PEBP4: variants seen among roughly 807,000 people sequenced by gnomAD.
The protein encoded by PEBP4 is phosphatidylethanolamine-binding protein 4.
PEBP4 carries 22 observed loss-of-function variants against 23.9 expected under a neutral mutation model. That is an observed-to-expected ratio of 0.92 (90% CI 0.66 to 1.31). The LOEUF is 1.31. Ranked by LOEUF, PEBP4 falls within the 40% of genes most tolerant of loss-of-function variation. The pLI is 0.00. For missense variants in PEBP4, 324 were observed against 281.7 expected (o/e 1.15, Z -1.07); for synonymous variants, 112 against 99.3 (o/e 1.13, Z -0.76).
intron 3 of PEBP4, among the ~76,000 whole-genome samples, chr8:22,836,366 T>C (rs1296662752): frequency 6.6e-6 from 1 of 152,262 alleles, no homozygotes; most frequent in African/African-American, 2.4e-5. Flanking sequence ...GATTTGGAGC[T>C]GACTTTTACT....
upstream of PEBP4, among the ~76,000 whole-genome samples, chr8:22,929,363 C>T (rs1250999315): frequency 6.6e-6 from 1 of 152,240 alleles, no homozygotes; most frequent in Non-Finnish European, 1.5e-5. Context: ...GACCAAGAAA[C>T]TCATCTTCCA....
At chr8:22,764,257 T>C (rs576798410) in intron 4 of PEBP4, among the ~76,000 whole-genome samples, 1 of 152,028 alleles carries the variant, frequency 6.6e-6, no homozygotes, top group African/African-American at 2.4e-5. Flanking sequence ...TTGAATCTAA[T>C]ACACACACAC....
intron 3 of PEBP4, among the ~76,000 whole-genome samples, chr8:22,827,378 G>C (rs1806993071): frequency 6.6e-6 from 1 of 152,150 alleles, no homozygotes; most frequent in Non-Finnish European, 1.5e-5. Context: ...TTTGTACCAT[G>C]TATGCAGTCA....
intron 4 of PEBP4, among the ~76,000 whole-genome samples, chr8:22,770,653 C>T (rs1014906894): frequency 6.6e-6 from 1 of 152,224 alleles, no homozygotes; most frequent in African/African-American, 2.4e-5. Flanking sequence ...CTTGAAGACA[C>T]CCTGCCCAGG....
chr8:22,796,890 C>T (rs1806271082), intron 4 of PEBP4, among the ~76,000 whole-genome samples: 1 of 151,864 alleles, frequency 6.6e-6, no homozygotes, highest in South Asian at 2.1e-4. Context: ...CAGACTTCAC[C>T]CTTACACAAT....
intron 3 of PEBP4, among the ~76,000 whole-genome samples, chr8:22,857,189 TG>T (rs904541893): frequency 1.3e-5 from 2 of 152,000 alleles, no homozygotes; most frequent in African/African-American, 4.8e-5. Flanking sequence ...AAAAAAAATC[TG>T]GGTAGTCCAA....
chr8:22,821,392 G>T (rs1806853799), intron 3 of PEBP4, among the ~76,000 whole-genome samples: 1 of 152,176 alleles, frequency 6.6e-6, no homozygotes, highest in Non-Finnish European at 1.5e-5. Flanking sequence ...GAGGTGACCG[G>T]GTAGGGCAGA....
chr8:22,923,584 G>A (rs1378021055), intron 2 of PEBP4, among the ~76,000 whole-genome samples: 1 of 152,034 alleles, frequency 6.6e-6, no homozygotes. Context: ...CTCTAGAAAC[G>A]TGGCTTCTCA....
chr8:22,742,849 C>T (rs1436914334), intron 4 of PEBP4, among the ~76,000 whole-genome samples: 1 of 152,226 alleles, frequency 6.6e-6, no homozygotes, highest in Non-Finnish European at 1.5e-5. Context: ...GGAGCTCCTG[C>T]TAGGTGCCAA....
intron 3 of PEBP4, among the ~76,000 whole-genome samples, chr8:22,881,166 G>A (rs1347542493): frequency 2.6e-5 from 4 of 152,324 alleles, no homozygotes; most frequent in Non-Finnish European, 4.4e-5. Context: ...TGTCCATGGG[G>A]CCCCACAGGG....
At chr8:22,907,241 T>C (rs751976840) in intron 3 of PEBP4, among the ~76,000 whole-genome samples, 46 of 152,114 alleles carry the variant, frequency 3.0e-4, no homozygotes, top group Admixed American at 9.2e-4. Flanking sequence ...AGCAGATCAC[T>C]CCGAGGCCAG....
At chr8:22,735,947 T>C (rs1159809737) in intron 4 of PEBP4, among the ~76,000 whole-genome samples, 1 of 152,276 alleles carries the variant, frequency 6.6e-6, no homozygotes, top group Non-Finnish European at 1.5e-5. Context: ...AAGCATTCCC[T>C]GGATCCTACC....
chr8:22,814,511 C>G (rs977818403), intron 4 of PEBP4, among the ~76,000 whole-genome samples: 1 of 152,186 alleles, frequency 6.6e-6, no homozygotes, highest in South Asian at 2.1e-4. Context: ...TTCCTAAAAA[C>G]TCGTTGCTGT....
At chr8:22,802,138 GTC>G (rs902058009) in intron 4 of PEBP4, among the ~76,000 whole-genome samples, 7 of 152,022 alleles carry the variant, frequency 4.6e-5, no homozygotes, top group African/African-American at 1.7e-4. Context: ...CCTCCTCCTC[GTC>G]TCTCTGCGAA....
At chr8:22,795,306 G>C (rs1040628805) in intron 4 of PEBP4, among the ~76,000 whole-genome samples, 9 of 149,944 alleles carry the variant, frequency 6.0e-5, no homozygotes, top group Non-Finnish European at 1.0e-4. Flanking sequence ...CTCCCAAGTA[G>C]CTGGGATTAC....
chr8:22,833,791 A>C (rs574262174), intron 3 of PEBP4, among the ~76,000 whole-genome samples: 1 of 152,214 alleles, frequency 6.6e-6, no homozygotes. Flanking sequence ...TCTTCAAGCT[A>C]CCAAGGCTGG....
intron 3 of PEBP4, among the ~76,000 whole-genome samples, chr8:22,898,541 G>T (rs191611023): frequency 5.3e-4 from 81 of 151,918 alleles, no homozygotes; most frequent in Middle Eastern, 3.4e-3. Context: ...CTAATACTCA[G>T]GTTCTCAATC....
At chr8:22,874,230 C>G (rs1192202325) in intron 3 of PEBP4, among the ~76,000 whole-genome samples, 7 of 151,950 alleles carry the variant, frequency 4.6e-5, no homozygotes, top group Admixed American at 4.6e-4. Context: ...TGGAAAGCCC[C>G]TGTTTAAATA....
chr8:22,932,092 A>C (rs1251225880), upstream of PEBP4, among the ~76,000 whole-genome samples: 1 of 152,236 alleles, frequency 6.6e-6, no homozygotes, highest in Non-Finnish European at 1.5e-5. Flanking sequence ...GGTGGGGCCC[A>C]GGAGCCATGG....
Sources: gnomAD v4.1 joint callset for allele counts (sites outside exome capture counted in the v4.1 genomes callset) on GRCh38, gnomAD v4.1.1 for gene constraint, MANE v1.5 for transcripts, NCBI Gene and HGNC (gene_info 2026-07-23, HGNC 2026-07-21) for gene names.